Variants in DLG2 observed in about 807,000 individuals in gnomAD.
DLG2 encodes the protein disks large homolog 2.
A neutral mutation model predicts 132.5 loss-of-function variants in DLG2; 45 were observed. That is an observed-to-expected ratio of 0.34 (90% confidence interval 0.27 to 0.44). The LOEUF is 0.44. Among genes scored for constraint, DLG2 ranks in the 20% least tolerant of loss-of-function variants. DLG2 has a pLI of 1.00. For synonymous variants in DLG2, 424 were observed against 419.6 expected, an observed-to-expected ratio of 1.01 and a Z score of -0.13; for missense variants, 1,045 against 1,196.9, an observed-to-expected ratio of 0.87 and a Z score of 1.87.
intron 7 of DLG2, among the ~76,000 whole-genome samples, chr11:84,448,772 G>A (rs186303546): frequency 5.3e-5 from 8 of 151,880 alleles, no homozygotes; most frequent in African/African-American, 1.2e-4. Flanking sequence ...GTTTCCCTCC[G>A]AACGCCTATG....
chr11:84,621,970 T>G (rs1176093004), intron 6 of DLG2, among the ~76,000 whole-genome samples: 1 of 152,168 alleles, frequency 6.6e-6, no homozygotes, highest in African/African-American at 2.4e-5. Flanking sequence ...AAATTGTACA[T>G]TAGTAGTACA....
intron 6 of DLG2, among the ~76,000 whole-genome samples, chr11:84,896,973 A>G (rs1311187494): frequency 1.3e-5 from 2 of 151,812 alleles, no homozygotes; most frequent in Non-Finnish European, 2.9e-5. Context: ...CTGTACATAC[A>G]ATTTTTTTCA....
intron 7 of DLG2, among the ~76,000 whole-genome samples, chr11:84,407,564 T>C (rs549676750): frequency 6.6e-6 from 1 of 152,230 alleles, no homozygotes; most frequent in African/African-American, 2.4e-5. Flanking sequence ...TTTTAGTTCC[T>C]AGACCTACCT....
rs1351109578 is a variant in DLG2, at chr11:83,968,000, T to C, written c.1057-2532A>G. Among the ~76,000 whole-genome samples the C allele has an allele frequency of 7.9e-5, 12 of 152,302 alleles. No individual in the cohort carries two copies. The East Asian group carries it at 2.1e-3, about 27-fold the overall frequency. On this transcript the variant is annotated intron_variant, in intron 12 of 27. Transcript: ENST00000376104. ...CTTTCTTCATCATGTTCTCTTATTT[T>C]CTTTGTCAAAACTTAGTTGACCATA...
At chr11:85,500,715 T>A (rs1477306831) in intron 3 of DLG2, among the ~76,000 whole-genome samples, 1 of 152,116 alleles carries the variant, frequency 6.6e-6, no homozygotes, top group Non-Finnish European at 1.5e-5. Context: ...TTATAAGAGA[T>A]GTGAAGGACC....
chr11:85,052,273 T>C (rs918441665), intron 6 of DLG2, among the ~76,000 whole-genome samples: 1 of 152,188 alleles, frequency 6.6e-6, no homozygotes, highest in Non-Finnish European at 1.5e-5. Flanking sequence ...GAGTTCATAG[T>C]CTATTTCTAA....
intron 3 of DLG2, among the ~76,000 whole-genome samples, chr11:85,445,300 G>C (rs1401096158): frequency 6.6e-6 from 1 of 152,156 alleles, no homozygotes; most frequent in Non-Finnish European, 1.5e-5. Context: ...AGAGGGTTTA[G>C]ACTCTCCCAT....
chr11:85,560,146 A>C (rs1255214223), intron 3 of DLG2, among the ~76,000 whole-genome samples: 1 of 151,874 alleles, frequency 6.6e-6, no homozygotes, highest in Non-Finnish European at 1.5e-5. Context: ...ATATAAAATG[A>C]CACTGTCATT....
intron 4 of DLG2, among the ~76,000 whole-genome samples, chr11:85,243,084 T>C (rs149311019): frequency 1.3e-4 from 20 of 152,068 alleles, no homozygotes; most frequent in Admixed American, 8.5e-4. Context: ...TTACCGCTCA[T>C]AGCCTAATGG....
At chr11:84,469,628 T>C (rs1272699782) in intron 7 of DLG2, among the ~76,000 whole-genome samples, 2 of 151,636 alleles carry the variant, frequency 1.3e-5, no homozygotes, top group African/African-American at 4.8e-5. Flanking sequence ...TAGATTGCTG[T>C]AGCAAAATGA....
intron 7 of DLG2, among the ~76,000 whole-genome samples, chr11:84,442,323 G>T (rs370274741): frequency 2.0e-5 from 3 of 151,738 alleles, no homozygotes. Flanking sequence ...TCCTTGAAGG[G>T]GTCCTTTATA....
chr11:83,569,384 T>C (rs751730066), intron 19 of DLG2, among the ~76,000 whole-genome samples: 8 of 152,184 alleles, frequency 5.3e-5, no homozygotes, highest in Non-Finnish European at 1.0e-4. Flanking sequence ...ACAGATCAAG[T>C]ATCAGAATAA....
At chr11:85,120,239 T>C (rs556357357) in intron 5 of DLG2, among the ~76,000 whole-genome samples, 8 of 152,150 alleles carry the variant, frequency 5.3e-5, no homozygotes, top group African/African-American at 1.4e-4. Flanking sequence ...CAAATGTTAA[T>C]CAACAAGAAA....
chr11:85,471,318 T>G (rs558574465), intron 3 of DLG2, among the ~76,000 whole-genome samples: 8 of 152,262 alleles, frequency 5.3e-5, no homozygotes, highest in African/African-American at 1.2e-4. Context: ...TTAGACTTAT[T>G]TTAAAATCTA....
intron 6 of DLG2, among the ~76,000 whole-genome samples, chr11:85,105,086 C>A (rs2071521161): frequency 6.6e-6 from 1 of 151,902 alleles, no homozygotes; most frequent in African/African-American, 2.4e-5. Context: ...CTTAGTTTCT[C>A]AGATCTTGCC....
At chr11:85,533,275 C>T (rs2153194246) in intron 3 of DLG2, among the ~76,000 whole-genome samples, 1 of 152,190 alleles carries the variant, frequency 6.6e-6, no homozygotes, top group Non-Finnish European at 1.5e-5. Context: ...CCACCCACCT[C>T]AGCCTCCCAA....
At chr11:84,191,902 G>A (rs2154291447) in intron 8 of DLG2, among the ~76,000 whole-genome samples, 1 of 151,790 alleles carries the variant, frequency 6.6e-6, no homozygotes, top group Middle Eastern at 3.4e-3. Flanking sequence ...TAAATCTGCT[G>A]CTGAAACTTA....
chr11:83,579,798 G>A (rs1041546719), intron 19 of DLG2, among the ~76,000 whole-genome samples: 1 of 151,478 alleles, frequency 6.6e-6, no homozygotes, highest in African/African-American at 2.4e-5. Context: ...GTGAAACCCC[G>A]TCTCCACTAA....
chr11:85,090,184 A>G (rs1034452332), intron 6 of DLG2, among the ~76,000 whole-genome samples: 10 of 152,308 alleles, frequency 6.6e-5, no homozygotes, highest in Non-Finnish European at 1.2e-4. Context: ...GACTGCCTCT[A>G]TATAAAAGCT....
Sources: allele counts gnomAD v4.1 joint callset (sites outside exome capture counted in the v4.1 genomes callset), GRCh38; gene constraint gnomAD v4.1.1; transcripts MANE v1.5; gene names NCBI Gene and HGNC (gene_info 2026-07-23, HGNC 2026-07-21).